DTNBP1: variants seen among roughly 807,000 people sequenced by gnomAD.
The protein encoded by DTNBP1 is dysbindin.
A neutral mutation model predicts 42.8 loss-of-function variants in DTNBP1; 35 were observed. The observed-to-expected ratio is 0.82, with a 90% CI of 0.63 to 1.09. The LOEUF is 1.09. Ranked by LOEUF, DTNBP1 falls within the 50% of genes least tolerant of loss-of-function variation. The probability of loss-of-function intolerance (pLI) is 0.00; values close to 1 mark genes in which losing one functional copy is unlikely to be tolerated. For missense variants in DTNBP1, 457 were observed against 424.2 expected (o/e 1.08, Z -0.68); for synonymous variants, 171 against 162.2 (o/e 1.05, Z -0.41).
intron 3 of DTNBP1, among the ~76,000 whole-genome samples, chr6:15,645,698 C>T (rs1249423902): frequency 6.6e-6 from 1 of 151,998 alleles, no homozygotes; most frequent in Non-Finnish European, 1.5e-5. Context: ...ACATAATCTT[C>T]TCAAAAGACA....
At chr6:15,599,661 T>G (rs1365103059) in intron 6 of DTNBP1, among the ~76,000 whole-genome samples, 2 of 152,178 alleles carry the variant, frequency 1.3e-5, no homozygotes, top group Non-Finnish European at 2.9e-5. Context: ...CGTTGATGTA[T>G]GCATGAGGTA....
intron 1 of DTNBP1, 62 bp from the exon 2 acceptor site, chr6:15,652,202 G>C (rs951797036): frequency 7.3e-7 from 1 of 1,370,868 alleles, no homozygotes; most frequent in Non-Finnish European, 1.0e-6. Flanking sequence ...ATTTTTTTGA[G>C]ACAGGGTCTC....
rs1001275607 is a variant in DTNBP1 at position 15,659,142 on chromosome 6, T to C, written c.56+3672A>G. On this transcript the variant is annotated intron_variant, in intron 1 of 9. Coordinates refer to ENST00000344537, the MANE Select transcript of DTNBP1 (RefSeq NM_032122.5). ...AATGGAATGTAGAAATTTATTCTTA[T>C]TGGACATGGTTTCATCACCAAAGTG... 2.6e-5 allele frequency among the ~76,000 whole-genome samples: 4 copies of C among 152,228 alleles called. No homozygotes were observed. In the East Asian group the frequency reaches 5.8e-4, roughly 22 times the overall value.
intron 7 of DTNBP1, among the ~76,000 whole-genome samples, chr6:15,535,510 G>T: frequency 6.6e-6 from 1 of 152,084 alleles, no homozygotes; most frequent in East Asian, 1.9e-4. Context: ...TAGAGATGGA[G>T]TTTTGCCATG....
chr6:15,538,971 C>T (rs1191815820), intron 7 of DTNBP1, among the ~76,000 whole-genome samples: 1 of 152,258 alleles, frequency 6.6e-6, no homozygotes, highest in Middle Eastern at 3.4e-3. Flanking sequence ...GAATGAGGTC[C>T]GTTATCTGCC....
chr6:15,579,845 T>A (rs181060127), intron 7 of DTNBP1: 2 of 455,276 alleles, frequency 4.4e-6, no homozygotes, highest in Admixed American at 4.7e-5. Flanking sequence ...TTTTGAATGT[T>A]CTCAATGCAA....
intron 7 of DTNBP1, among the ~76,000 whole-genome samples, chr6:15,534,390 G>A (rs1444386411): frequency 1.3e-5 from 2 of 152,126 alleles, no homozygotes; most frequent in Non-Finnish European, 2.9e-5. Flanking sequence ...GGTGGCTCAC[G>A]CCTATAATCC....
intron 3 of DTNBP1, among the ~76,000 whole-genome samples, chr6:15,650,888 T>A (rs1760954730): frequency 6.6e-6 from 1 of 152,208 alleles, no homozygotes; most frequent in Non-Finnish European, 1.5e-5. Context: ...TTGTGTCTAA[T>A]TTTTATCTTG....
At chr6:15,650,775 T>C (rs781048114) in intron 3 of DTNBP1, among the ~76,000 whole-genome samples, 9 of 152,208 alleles carry the variant, frequency 5.9e-5, no homozygotes, top group Admixed American at 3.3e-4. Flanking sequence ...TTGTTCCTCA[T>C]ATATATGATC....
intron 7 of DTNBP1, among the ~76,000 whole-genome samples, chr6:15,540,681 G>A (rs1239415156): frequency 3.3e-5 from 5 of 152,160 alleles, no homozygotes; most frequent in South Asian, 2.1e-4. Flanking sequence ...TTGCTCTGTC[G>A]TCCAGGCTGG....
intron 7 of DTNBP1, among the ~76,000 whole-genome samples, chr6:15,575,342 AAACT>A (rs1452353308): frequency 6.6e-6 from 1 of 152,208 alleles, no homozygotes; most frequent in Non-Finnish European, 1.5e-5. Context: ...AATATGAGAG[AAACT>A]AACAAGTAAA....
At chr6:15,593,397 C>T (rs1776378344) in intron 6 of DTNBP1, among the ~76,000 whole-genome samples, 1 of 152,146 alleles carries the variant, frequency 6.6e-6, no homozygotes, top group Admixed American at 6.5e-5. Flanking sequence ...AGCTATGAAC[C>T]ATCTCATACA....
chr6:15,538,760 G>A (rs1328820842), intron 7 of DTNBP1, among the ~76,000 whole-genome samples: 1 of 152,180 alleles, frequency 6.6e-6, no homozygotes, highest in South Asian at 2.1e-4. Flanking sequence ...GCTCCGCTGA[G>A]TTTGGGTGCT....
At chr6:15,608,202 ATTAT>A (rs1344869545) in intron 6 of DTNBP1, among the ~76,000 whole-genome samples, 1 of 151,988 alleles carries the variant, frequency 6.6e-6, no homozygotes, top group Non-Finnish European at 1.5e-5. Context: ...CATGTAGCAT[ATTAT>A]TTCTCTTTTT....
In DTNBP1 at chr6:15,662,804, G is replaced by T. The variant is rs376357111; in HGVS notation, c.56+10C>A. 10 of 1,611,754 alleles carry T rather than the reference G, an allele frequency of 6.2e-6. No individual in the cohort carries two copies. In the African/African-American group the frequency reaches 9.4e-5, roughly 15 times the overall value. On this transcript the variant is annotated intron_variant, in intron 1 of 9. Coordinates refer to ENST00000344537, the MANE Select transcript of DTNBP1 (RefSeq NM_032122.5). The stretch of plus-strand genomic sequence containing the variant: ...CTCAGGTCCCTTTTCGTCGCCCACC[G>T]TATACCCACCCGGAGGTGAAATCCT...
At chr6:15,526,586 G>A (rs951904127) in intron 8 of DTNBP1, among the ~76,000 whole-genome samples, 2 of 152,318 alleles carry the variant, frequency 1.3e-5, no homozygotes, top group East Asian at 1.9e-4. Context: ...CCTCGGACTT[G>A]GCCGGGGGTT....
chr6:15,589,930 A>T (rs1232608396), intron 7 of DTNBP1, among the ~76,000 whole-genome samples: 1 of 152,032 alleles, frequency 6.6e-6, no homozygotes, highest in Non-Finnish European at 1.5e-5. Context: ...CTAACTACTC[A>T]TACACTTCTT....
chr6:15,592,316 T>C (rs1428493981), intron 7 of DTNBP1, among the ~76,000 whole-genome samples: 2 of 152,222 alleles, frequency 1.3e-5, no homozygotes, highest in African/African-American at 4.8e-5. Context: ...GTTTTCTCAG[T>C]TATTGAAATG....
chr6:15,584,146 G>A (rs924884202), intron 7 of DTNBP1, among the ~76,000 whole-genome samples: 7 of 151,918 alleles, frequency 4.6e-5, no homozygotes, highest in South Asian at 2.1e-4. Flanking sequence ...TTAAAAAAAC[G>A]AATATACACT....
Sources: gnomAD v4.1 joint callset for allele counts (sites outside exome capture counted in the v4.1 genomes callset) on GRCh38, gnomAD v4.1.1 for gene constraint, MANE v1.5 for transcripts, NCBI Gene and HGNC (gene_info 2026-07-23, HGNC 2026-07-21) for gene names.